TMEM131: variants seen among roughly 807,000 people sequenced by gnomAD.
The protein encoded by TMEM131 is 2610524E03Rik.
A neutral mutation model predicts 211.6 loss-of-function variants in TMEM131; 66 were observed. The observed-to-expected ratio is 0.31, with a 90% CI of 0.26 to 0.38. TMEM131 has a LOEUF of 0.38. TMEM131 is among the 10% of genes least tolerant of loss of function. The pLI is 1.00. For synonymous variants in TMEM131, 844 were observed against 841.3 expected (o/e 1.00, Z -0.06); for missense variants, 2,036 against 2,299.3 (o/e 0.89, Z 2.34).
rs552551546 is a variant in TMEM131, at chr2:97,969,428, C to A, written c.187+26048G>T. ...ACAACTCCCCTCCATTAGTCTGTTA[C>A]TTCTTTCCTTCTCTAACTCTCTGGC... On this transcript the variant is annotated intron_variant, in intron 1 of 40. Coordinates refer to ENST00000186436, the MANE Select transcript of TMEM131 (RefSeq NM_015348.2). 1.2e-3 allele frequency among the ~76,000 whole-genome samples: 189 copies of A among 152,296 alleles called. 1 individual carries two copies. The highest frequency in any genetic ancestry group is 0.011 in the Admixed American group (171 of 15,288).
chr2:97,849,994 C>T (rs963273379), intron 5 of TMEM131, among the ~76,000 whole-genome samples: 3 of 151,898 alleles, frequency 2.0e-5, no homozygotes, highest in African/African-American at 7.3e-5. Context: ...TTTAATTCTA[C>T]AGAATCATAT....
At chr2:97,842,882 T>A (rs767607503) in intron 6 of TMEM131, among the ~76,000 whole-genome samples, 9 of 152,180 alleles carry the variant, frequency 5.9e-5, no homozygotes, top group Non-Finnish European at 8.8e-5. Flanking sequence ...AAGATCTGTC[T>A]AGCACTTCAA....
At chr2:97,930,604 G>A (rs918792846) in intron 1 of TMEM131, among the ~76,000 whole-genome samples, 2 of 130,724 alleles carry the variant, frequency 1.5e-5, no homozygotes, top group Non-Finnish European at 3.5e-5. Context: ...ACAAATTAAC[G>A]TATTTTGCTT....
At chr2:97,812,365 C>T in intron 17 of TMEM131, 56 bp downstream of exon 17, 1 of 1,537,838 alleles carries the variant, frequency 6.5e-7, no homozygotes, top group Non-Finnish European at 8.8e-7. Flanking sequence ...AATGATCTTC[C>T]ACTTGCAGTT....
chr2:97,808,038 T>A (rs1483181732), intron 19 of TMEM131, among the ~76,000 whole-genome samples: 1 of 152,198 alleles, frequency 6.6e-6, no homozygotes, highest in Non-Finnish European at 1.5e-5. Flanking sequence ...TTTTTTGGAA[T>A]ATTTACATAT....
In TMEM131 at chr2:97,818,479, G is replaced by C. The variant is rs1316983545; in HGVS notation, c.1183+134C>G. ...GGTTTACAGCGGGGGGGGGCGGGGG[G>C]GGATCAACCTAAGCAGTAATATAAA... On this transcript the variant is annotated intron_variant, in intron 12 of 40. Coordinates refer to ENST00000186436, the MANE Select transcript of TMEM131 (RefSeq NM_015348.2). 5 of 309,106 alleles carry C rather than the reference G, an allele frequency of 1.6e-5. 2 individuals are homozygous for C. The African/African-American group carries it at 1.8e-4, about 11-fold the overall frequency. 19.1% of individuals were successfully genotyped at this position (309,106 alleles called of 1,614,324 possible). A position where few individuals can be genotyped will look rare whatever the true frequency, so the allele number is the denominator to read the frequency against.
In TMEM131 at chr2:97,995,461, C is replaced by T; in HGVS notation, c.187+15G>A. 3.6e-6 allele frequency: 5 copies of T among 1,379,118 alleles called. No individual in the cohort carries two copies. The highest frequency in any genetic ancestry group is 1.5e-5 in the African/African-American group (1 of 66,232). The allele number at this position is 1,379,118 out of a possible 1,614,324, so 85.4% of individuals were successfully genotyped here. A position where few individuals can be genotyped will look rare whatever the true frequency, so the allele number is the denominator to read the frequency against. ...TGACAGCCCCGCCGCAGGGACGCCG[C>T]CGGGGGACACCCACCTTCCTTCTCG... On this transcript the variant is annotated intron_variant, in intron 1 of 40. Transcript: ENST00000186436.
chr2:97,893,822 T>C (rs1407947327), intron 3 of TMEM131, among the ~76,000 whole-genome samples: 1 of 152,202 alleles, frequency 6.6e-6, no homozygotes, highest in African/African-American at 2.4e-5. Context: ...TCCCATTCTG[T>C]AGGCTGCCTG....
At chr2:97,835,000 T>A in intron 8 of TMEM131, 75 bp from the exon 9 acceptor site, 1 of 1,490,736 alleles carries the variant, frequency 6.7e-7, no homozygotes, top group Non-Finnish European at 9.2e-7. Context: ...TTGAACTGGA[T>A]GACACTGACT....
At chr2:97,901,895 G>A (rs1251659321) in intron 3 of TMEM131, among the ~76,000 whole-genome samples, 1 of 152,102 alleles carries the variant, frequency 6.6e-6, no homozygotes, top group African/African-American at 2.4e-5. Context: ...AGGGCAGAGT[G>A]ACTATAGTTA....
At chr2:97,861,156 A>G (rs1251107875) in intron 4 of TMEM131, among the ~76,000 whole-genome samples, 2 of 152,102 alleles carry the variant, frequency 1.3e-5, no homozygotes, top group African/African-American at 2.4e-5. Context: ...ACCTCAGGCT[A>G]AAGTGTTCTG....
intron 31 of TMEM131, among the ~76,000 whole-genome samples, chr2:97,788,487 G>A (rs904408138): frequency 1.3e-5 from 2 of 152,104 alleles, no homozygotes; most frequent in African/African-American, 2.4e-5. Context: ...GTGAAAACCC[G>A]TATCCTGCCT....
chr2:97,777,535 C>A (rs1054954443), intron 31 of TMEM131, among the ~76,000 whole-genome samples: 2 of 152,242 alleles, frequency 1.3e-5, no homozygotes, highest in African/African-American at 2.4e-5. Flanking sequence ...GTCTGTGGCC[C>A]ATAAAGCCTC....
rs765121243 is a variant in TMEM131, at chr2:97,795,130, T to C, written c.3201-15A>G. On this transcript the variant is annotated splice_polypyrimidine_tract_variant and intron_variant, in intron 28 of 40. Coordinates refer to ENST00000186436, the MANE Select transcript of TMEM131 (RefSeq NM_015348.2). ...CAGGAGTAAACCTAAAACAGAATGATGGTAGTAAGGCTAAGTTTTAAAAAT... is the reference window on the plus strand; with the variant it reads ...CAGGAGTAAACCTAAAACAGAATGACGGTAGTAAGGCTAAGTTTTAAAAAT... The C allele has an allele frequency of 6.3e-7, 1 of 1,599,956 alleles. No homozygotes were observed. Among genetic ancestry groups the C allele is most frequent in the African/African-American group, 1.3e-5 (1 of 74,558 alleles).
At chr2:97,822,554 T>G (rs1016457994) in intron 11 of TMEM131, among the ~76,000 whole-genome samples, 4 of 152,146 alleles carry the variant, frequency 2.6e-5, no homozygotes, top group African/African-American at 9.7e-5. Context: ...AATGCGTCGG[T>G]AAGGGCCACT....
intron 40 of TMEM131, among the ~76,000 whole-genome samples, chr2:97,758,517 A>G (rs1270260323): frequency 6.6e-6 from 1 of 152,228 alleles, no homozygotes; most frequent in East Asian, 1.9e-4. Context: ...CAGTGGCTGC[A>G]TTGCACAGAT....
intron 19 of TMEM131, among the ~76,000 whole-genome samples, chr2:97,806,076 C>A (rs1201261599): frequency 1.3e-5 from 2 of 152,166 alleles, no homozygotes; most frequent in African/African-American, 4.8e-5. Flanking sequence ...TGTTTACACC[C>A]AGGCAAGAAT....
chr2:97,906,305 A>G (rs1403250766), intron 3 of TMEM131, among the ~76,000 whole-genome samples: 2 of 152,192 alleles, frequency 1.3e-5, no homozygotes, highest in Non-Finnish European at 2.9e-5. Flanking sequence ...ACCCAGTCCC[A>G]TACCCAATCT....
At chr2:97,954,598 A>G (rs1678474113) in intron 1 of TMEM131, among the ~76,000 whole-genome samples, 1 of 152,184 alleles carries the variant, frequency 6.6e-6, no homozygotes, top group Non-Finnish European at 1.5e-5. Flanking sequence ...TGAGGTCAGG[A>G]GTTCGAGACC....
Sources: gnomAD v4.1 joint callset for allele counts (sites outside exome capture counted in the v4.1 genomes callset) on GRCh38, gnomAD v4.1.1 for gene constraint, MANE v1.5 for transcripts, NCBI Gene and HGNC (gene_info 2026-07-23, HGNC 2026-07-21) for gene names.